SPECC1: variants seen among roughly 807,000 people sequenced by gnomAD.
The protein encoded by SPECC1 is cytospin-B.
Under a neutral mutation model 104.1 loss-of-function variants are expected in SPECC1, and 62 were observed. The ratio of observed to expected loss-of-function variants is 0.60; its 90% confidence interval spans 0.49 to 0.74. The LOEUF (loss-of-function observed/expected upper bound fraction) is 0.74. Among genes scored for constraint, SPECC1 ranks in the 30% least tolerant of loss-of-function variants. The pLI, the probability that SPECC1 is intolerant of heterozygous loss-of-function variation, is 0.00. For missense variants in SPECC1, 1,306 were observed against 1,310.5 expected (o/e 1.00, Z 0.05); for synonymous variants, 513 against 501.6 (o/e 1.02, Z -0.30).
intron 3 of SPECC1, among the ~76,000 whole-genome samples, chr17:20,114,089 A>G (rs201882965): frequency 1.3e-5 from 2 of 152,224 alleles, no homozygotes; most frequent in African/African-American, 4.8e-5. Context: ...CCACCAAAAA[A>G]GTATATATAA....
chr17:20,061,096 G>C (rs940231969), intron 1 of SPECC1, among the ~76,000 whole-genome samples: 1 of 152,214 alleles, frequency 6.6e-6, no homozygotes, highest in African/African-American at 2.4e-5. Flanking sequence ...TTTTGAGACA[G>C]AGTCTCACTC....
chr17:20,303,636 T>C (rs765733454), intron 13 of SPECC1, among the ~76,000 whole-genome samples: 72 of 152,322 alleles, frequency 4.7e-4, no homozygotes, highest in Non-Finnish European at 7.9e-4. Flanking sequence ...TACATAATTA[T>C]GTATAAAATC....
chr17:20,317,596 G>A lies in SPECC1; in HGVS notation c.*3531G>A, dbSNP rs551738412. ...TTTTAATTAGCTGGGTACAATGATAGGCACCTGTAATCTCAGCTGCTTGGG... is the reference window on the plus strand; with the variant it reads ...TTTTAATTAGCTGGGTACAATGATAAGCACCTGTAATCTCAGCTGCTTGGG... On this transcript the variant is annotated 3_prime_UTR_variant, in exon 15 of 15. Transcript: ENST00000395527. 1 of 192,382 alleles carries A rather than the reference G, an allele frequency of 5.2e-6. No individual in the cohort carries two copies. Among genetic ancestry groups the A allele is most frequent in the African/African-American group, 2.3e-5 (1 of 43,084 alleles). 11.9% of individuals were successfully genotyped at this position (192,382 alleles called of 1,614,324 possible).
chr17:20,069,102 TC>T (rs2046458518), intron 1 of SPECC1, among the ~76,000 whole-genome samples: 1 of 152,216 alleles, frequency 6.6e-6, no homozygotes, highest in Admixed American at 6.5e-5. Flanking sequence ...CCTTTTCTGC[TC>T]CCTCCTCCAA....
chr17:20,159,145 A>G (rs1011636875), intron 3 of SPECC1, among the ~76,000 whole-genome samples: 2 of 151,994 alleles, frequency 1.3e-5, no homozygotes, highest in African/African-American at 4.8e-5. Flanking sequence ...GGATTTCACC[A>G]TGTTGGCCAG....
chr17:20,313,369 T>C (rs2041980440), intron 14 of SPECC1, among the ~76,000 whole-genome samples: 1 of 152,262 alleles, frequency 6.6e-6, no homozygotes, highest in Admixed American at 6.5e-5. Context: ...GTAATTTATC[T>C]TGAGGGACTA....
At position 20,121,735 on chromosome 17, in the gene SPECC1, AG is replaced by A. The variant is rs2049042842; in HGVS notation, c.283+11176del. Among the ~76,000 whole-genome samples, 4 of 152,280 alleles carry A rather than the reference AG, an allele frequency of 2.6e-5. No homozygotes were observed. In the South Asian group the frequency reaches 8.3e-4, roughly 32 times the overall value. On this transcript the variant is annotated intron_variant, in intron 3 of 14. Transcript: ENST00000395527. ...GAGAATGAGGAGGTTCCTTGTGTGC[AG>A]GGTCCTCCCTGCCTGCCCCAGGGTC...
intron 3 of SPECC1, among the ~76,000 whole-genome samples, chr17:20,111,535 A>G (rs1188569547): frequency 6.6e-6 from 1 of 152,216 alleles, no homozygotes. Context: ...CAAAAGTACC[A>G]TTTATTTTTA....
At chr17:20,262,132 A>G (rs2040048528) in intron 12 of SPECC1, among the ~76,000 whole-genome samples, 1 of 152,206 alleles carries the variant, frequency 6.6e-6, no homozygotes, top group African/African-American at 2.4e-5. Context: ...ATTGTTGCAT[A>G]TAGCTGTAAT....
rs1209589252 is a variant in SPECC1 at position 20,194,502 on chromosome 17, A to ATTTTTTTTTTTTTTTTTTT, written c.284-9826_284-9808dup. On this transcript the variant is annotated intron_variant, in intron 3 of 14. Coordinates refer to ENST00000395527, the MANE Select transcript of SPECC1 (RefSeq NM_001243439.2). ...TGTGTTCTGTTAGAAAAGAGAACGAATTTTTTTTTTTTTTTTTTTTTTTGA... is the reference window on the plus strand; with the variant it reads ...TGTGTTCTGTTAGAAAAGAGAACGAATTTTTTTTTTTTTTTTTTTTTTTTTTTTTTTTTTTTTTTTTTGA... Among the ~76,000 whole-genome samples the ATTTTTTTTTTTTTTTTTTT allele has an allele frequency of 3.6e-4, 31 of 86,510 alleles. 1 individual carries two copies. Among genetic ancestry groups the ATTTTTTTTTTTTTTTTTTT allele is most frequent in the African/African-American group, 1.6e-3 (30 of 18,714 alleles). The allele number at this position is 86,510 out of a possible 152,430, so 56.8% of individuals were successfully genotyped here.
rs1367136714 is a variant in SPECC1 at position 20,245,915 on chromosome 17, T to A, written c.2352-11T>A. ...CCATCTTTTCAATCTGATTTGCTCT[T>A]TGCCATGCAGACCTGTGGATGAAGA... On this transcript the variant is annotated splice_polypyrimidine_tract_variant and intron_variant, in intron 7 of 14. Coordinates refer to ENST00000395527, the MANE Select transcript of SPECC1 (RefSeq NM_001243439.2). 2.5e-6 allele frequency: 4 copies of A among 1,613,936 alleles called. No homozygotes were observed. The African/African-American group carries it at 5.3e-5, about 22-fold the overall frequency.
chr17:20,194,502 A>ATTATTATTATTTTTTTTTTTTTTTTT, intron 3 of SPECC1, among the ~76,000 whole-genome samples: 4 of 86,536 alleles, frequency 4.6e-5, no homozygotes, highest in African/African-American at 2.1e-4. Flanking sequence ...AAGAGAACGA[A>ATTATTATTATTTTTTTTTTTTTTTTT]TTTTTTTTTT....
At chr17:20,071,271 T>C (rs1321825769) in intron 1 of SPECC1, among the ~76,000 whole-genome samples, 1 of 152,232 alleles carries the variant, frequency 6.6e-6, no homozygotes, top group Non-Finnish European at 1.5e-5. Flanking sequence ...ATTTCTGGGC[T>C]TTGCCATGAT....
Position 20,114,481 on chromosome 17 carries a change from C to T in SPECC1, c.283+3919C>T, listed in dbSNP as rs1159922600. ...CTGAGATTACAGGCGTGAGTCATGG[C>T]GCCCAGCCTGTTTTTTTTTTTGTTT... On this transcript the variant is annotated intron_variant, in intron 3 of 14. Coordinates refer to ENST00000395527, the MANE Select transcript of SPECC1 (RefSeq NM_001243439.2). Among the ~76,000 whole-genome samples, 5 of 151,344 alleles carry T rather than the reference C, an allele frequency of 3.3e-5. No homozygotes were observed. The East Asian group carries it at 5.8e-4, about 18-fold the overall frequency.
chr17:20,216,325 T>G (rs1201738324), intron 4 of SPECC1, among the ~76,000 whole-genome samples: 1 of 152,176 alleles, frequency 6.6e-6, no homozygotes. Context: ...CCGAGGCCCA[T>G]TGCCTTTCCT....
At chr17:20,239,798 G>A (rs930830245) in intron 7 of SPECC1, among the ~76,000 whole-genome samples, 1 of 151,002 alleles carries the variant, frequency 6.6e-6, no homozygotes, top group South Asian at 2.1e-4. Flanking sequence ...GAGCAGTAGT[G>A]GAGAGCCTTG....
intron 1 of SPECC1, among the ~76,000 whole-genome samples, chr17:20,076,592 CT>C (rs2046768003): frequency 6.6e-6 from 1 of 152,162 alleles, no homozygotes; most frequent in Admixed American, 6.5e-5. Flanking sequence ...AATTAGGTTG[CT>C]TTTCCTTTTT....
At chr17:20,198,674 C>G (rs1227084545) in intron 3 of SPECC1, among the ~76,000 whole-genome samples, 1 of 152,228 alleles carries the variant, frequency 6.6e-6, no homozygotes, top group Non-Finnish European at 1.5e-5. Flanking sequence ...AGAAGGGACT[C>G]TATCCCTCAT....
intron 1 of SPECC1, among the ~76,000 whole-genome samples, chr17:20,016,634 A>T (rs541586850): frequency 2.6e-4 from 40 of 152,238 alleles, no homozygotes; most frequent in African/African-American, 8.9e-4. Flanking sequence ...GCTGTGCCCG[A>T]TTTCTCGCTG....
Sources: allele counts gnomAD v4.1 joint callset (sites outside exome capture counted in the v4.1 genomes callset), GRCh38; gene constraint gnomAD v4.1.1; transcripts MANE v1.5; gene names NCBI Gene and HGNC (gene_info 2026-07-23, HGNC 2026-07-21).